SDK1: variants seen among roughly 807,000 people sequenced by gnomAD.
The protein encoded by SDK1 is protein sidekick-1.
SDK1 carries 157 observed loss-of-function variants against 245.5 expected under a neutral mutation model. The observed-to-expected ratio is 0.64, with a 90% CI of 0.56 to 0.73. SDK1 has a LOEUF of 0.73. Ranked by LOEUF, SDK1 falls within the 30% of genes least tolerant of loss-of-function variation. The pLI, the probability that SDK1 is intolerant of heterozygous loss-of-function variation, is 0.00. For missense variants in SDK1, 3,583 were observed against 3,002.3 expected, an observed-to-expected ratio of 1.19 and a Z score of -4.52; for synonymous variants, 1,647 against 1,278.5, an observed-to-expected ratio of 1.29 and a Z score of -6.15.
chr7:3,830,273 C>T (rs1364231469), intron 5 of SDK1, among the ~76,000 whole-genome samples: 3 of 152,052 alleles, frequency 2.0e-5, no homozygotes, highest in African/African-American at 2.4e-5. Flanking sequence ...AATTATGCTG[C>T]GATTATTGAA....
intron 1 of SDK1, among the ~76,000 whole-genome samples, chr7:3,388,182 A>G (rs1781656836): frequency 1.3e-5 from 2 of 152,174 alleles, no homozygotes; most frequent in South Asian, 4.1e-4. Flanking sequence ...TAGTTATAAA[A>G]TGAGATGGGA....
chr7:3,542,530 C>G (rs1049807857), intron 1 of SDK1, among the ~76,000 whole-genome samples: 1 of 151,908 alleles, frequency 6.6e-6, no homozygotes, highest in African/African-American at 2.4e-5. Context: ...AGGATCATGC[C>G]TGGCCTATGG....
chr7:3,493,413 G>T (rs1394928077), intron 1 of SDK1, among the ~76,000 whole-genome samples: 1 of 152,106 alleles, frequency 6.6e-6, no homozygotes, highest in African/African-American at 2.4e-5. Flanking sequence ...GATTTTAATG[G>T]ATGCTTATAG....
In SDK1 at chr7:3,301,726, A is replaced by C. The variant is rs867965028; in HGVS notation, c.140A>C (p.Glu47Ala). The C allele has an allele frequency of 3.6e-4, 352 of 975,212 alleles. 4 individuals carry two copies. In the African/African-American group the frequency reaches 5.8e-3, roughly 16 times the overall value. 60.4% of individuals were successfully genotyped at this position (975,212 alleles called of 1,614,324 possible). A position where few individuals can be genotyped will look rare whatever the true frequency, so the allele number is the denominator to read the frequency against. Residue 47 changes from glutamate to alanine, a missense_variant, in exon 1 of 45, where the codon GAG (glutamate) becomes GCG (alanine). By Grantham distance (107) the Glu-to-Ala change is moderately radical. Transcript: ENST00000404826. ...TCGCTGGCGCCGCGCCCCGGCCCGG[A>C]GCCCTCGCGACCCCGGGCGGCGCCC... is the stretch of plus-strand genomic sequence containing the variant. ...RPSLAPRPGPEPSRPRAAPET... is the reference protein window; with the variant it reads ...RPSLAPRPGPAPSRPRAAPET...
chr7:4,142,285 C>T (rs905385298), intron 28 of SDK1, among the ~76,000 whole-genome samples: 2 of 152,022 alleles, frequency 1.3e-5, no homozygotes, highest in African/African-American at 4.8e-5. Context: ...CTGGGTTACA[C>T]ATCATTCTTG....
intron 1 of SDK1, among the ~76,000 whole-genome samples, chr7:3,555,922 G>T (rs189152723): frequency 6.6e-6 from 1 of 152,092 alleles, no homozygotes; most frequent in Non-Finnish European, 1.5e-5. Flanking sequence ...AGTAACAAAT[G>T]CTGGCAAGAA....
intron 1 of SDK1, among the ~76,000 whole-genome samples, chr7:3,580,895 G>A (rs560281814): frequency 6.0e-4 from 88 of 145,686 alleles, no homozygotes; most frequent in African/African-American, 2.1e-3. Context: ...TTGAACTGAG[G>A]AGGCAGAAGT....
At chr7:3,468,763 G>C (rs1781090952) in intron 1 of SDK1, among the ~76,000 whole-genome samples, 1 of 152,130 alleles carries the variant, frequency 6.6e-6, no homozygotes, top group African/African-American at 2.4e-5. Flanking sequence ...TCCGTATTTT[G>C]TTAATCTTAA....
chr7:3,777,341 A>G (rs1470968280), intron 4 of SDK1, among the ~76,000 whole-genome samples: 1 of 152,194 alleles, frequency 6.6e-6, no homozygotes, highest in Non-Finnish European at 1.5e-5. Flanking sequence ...TTTTCCAAAT[A>G]GTTGCATGTT....
intron 1 of SDK1, among the ~76,000 whole-genome samples, chr7:3,490,597 T>C (rs1781836430): frequency 6.6e-6 from 1 of 152,262 alleles, no homozygotes; most frequent in Non-Finnish European, 1.5e-5. Context: ...TCCATTTAGC[T>C]TTATATCAAG....
chr7:4,244,002 A>G (rs1322480930), intron 43 of SDK1, among the ~76,000 whole-genome samples: 1 of 152,218 alleles, frequency 6.6e-6, no homozygotes, highest in East Asian at 1.9e-4. Context: ...TAGATAAGAA[A>G]TGGCATCTTT....
intron 5 of SDK1, among the ~76,000 whole-genome samples, chr7:3,896,783 A>G (rs937736578): frequency 1.3e-5 from 2 of 152,338 alleles, no homozygotes; most frequent in East Asian, 3.9e-4. Context: ...ATCATGGCTG[A>G]AAGCAAAAGT....
intron 8 of SDK1, among the ~76,000 whole-genome samples, chr7:3,960,238 C>G (rs1250076634): frequency 6.6e-6 from 1 of 152,218 alleles, no homozygotes; most frequent in Admixed American, 6.5e-5. Context: ...GGATCCTTCT[C>G]TGGTGAAGTC....
chr7:4,128,556 GGGTGGGGTGCCC>G (rs1275958499), intron 26 of SDK1, among the ~76,000 whole-genome samples: 2 of 151,280 alleles, frequency 1.3e-5, no homozygotes, highest in East Asian at 3.9e-4. Context: ...GAGCAGCTTG[GGGTGGGGTGCCC>G]TGGAGGAGAG....
At chr7:3,494,149 C>G (rs1452328134) in intron 1 of SDK1, among the ~76,000 whole-genome samples, 1 of 152,030 alleles carries the variant, frequency 6.6e-6, no homozygotes, top group Non-Finnish European at 1.5e-5. Context: ...CCCCACTGCC[C>G]CAACATTCAA....
At chr7:3,997,903 G>T (rs763104888) in intron 14 of SDK1, among the ~76,000 whole-genome samples, 1 of 152,308 alleles carries the variant, frequency 6.6e-6, no homozygotes, top group African/African-American at 2.4e-5. Flanking sequence ...GATCAGAGTG[G>T]GTGCCAACAG....
chr7:3,653,209 A>T (rs962008872), intron 4 of SDK1, among the ~76,000 whole-genome samples: 1 of 152,220 alleles, frequency 6.6e-6, no homozygotes, highest in African/African-American at 2.4e-5. Flanking sequence ...GTTAGGTGAC[A>T]CATAGCTTCG....
At chr7:3,907,741 G>A (rs1415349531) in intron 5 of SDK1, among the ~76,000 whole-genome samples, 1 of 152,176 alleles carries the variant, frequency 6.6e-6, no homozygotes, top group African/African-American at 2.4e-5. Context: ...GGTGGTGAGG[G>A]TCTTACATCA....
At chr7:4,015,059 G>A (rs116752309) in intron 16 of SDK1, among the ~76,000 whole-genome samples, 2,460 of 152,272 alleles carry the variant, frequency 0.016, 63 homozygotes, top group African/African-American at 0.057. Flanking sequence ...TAGAAGAGCA[G>A]TGTTTAAAAA....
Sources: allele counts gnomAD v4.1 joint callset (sites outside exome capture counted in the v4.1 genomes callset), GRCh38; gene constraint gnomAD v4.1.1; transcripts MANE v1.5; gene names NCBI Gene and HGNC (gene_info 2026-07-23, HGNC 2026-07-21).